The following ADTRP variants were observed in gnomAD, a reference collection of about 807,000 sequenced individuals.
ADTRP encodes androgen-dependent TFPI-regulating protein.
In ADTRP, 20 loss-of-function variants were observed where a neutral mutation model predicts 27.0. The observed-to-expected ratio is 0.74, with a 90% CI of 0.52 to 1.08. The LOEUF (loss-of-function observed/expected upper bound fraction) is 1.08. Ranked by LOEUF, ADTRP falls within the 50% of genes least tolerant of loss-of-function variation. The probability of loss-of-function intolerance (pLI) is 0.00; values close to 1 mark genes in which losing one functional copy is unlikely to be tolerated. For synonymous variants in ADTRP, 101 were observed against 105.2 expected, an observed-to-expected ratio of 0.96 and a Z score of 0.25; for missense variants, 251 against 275.0, an observed-to-expected ratio of 0.91 and a Z score of 0.62.
In ADTRP at chr6:11,766,338, T is replaced by C. The variant is rs763712765; in HGVS notation, c.326A>G (p.Asn109Ser). ...FLAFWILFLY[N>S]RDLIYPKVLD... ...GACCTTGGGGTAAATGAGATCTCGA[T>C]TGTAGAGAAAGAGGATCCAGAATGC... The change falls in exon 3 of 6, where the codon AAT becomes AGT. Residue 109 changes from asparagine to serine, a missense_variant. Transcript: ENST00000414691. The C allele has an allele frequency of 1.7e-5, 27 of 1,612,702 alleles. No homozygotes were observed. Among genetic ancestry groups the C allele is most frequent in the South Asian group, 5.5e-5 (5 of 90,828 alleles).
chr6:11,722,119 T>C (rs1217694894), intron 5 of ADTRP, among the ~76,000 whole-genome samples: 3 of 152,068 alleles, frequency 2.0e-5, no homozygotes, highest in African/African-American at 7.2e-5. Flanking sequence ...TCAACACATC[T>C]GAAATGTCAA....
intron 1 of ADTRP, among the ~76,000 whole-genome samples, chr6:11,771,907 C>A (rs551093457): frequency 2.6e-5 from 4 of 152,278 alleles, no homozygotes; most frequent in Admixed American, 2.6e-4. Flanking sequence ...ACCGACCTTG[C>A]CCACATCTTC....
intron 3 of ADTRP, among the ~76,000 whole-genome samples, chr6:11,736,965 A>G (rs1346963312): frequency 6.6e-6 from 1 of 151,466 alleles, no homozygotes; most frequent in Non-Finnish European, 1.5e-5. Flanking sequence ...CCTTATAACC[A>G]TCTGTTTTCT....
intron 4 of ADTRP, among the ~76,000 whole-genome samples, chr6:11,733,297 C>T (rs1762445197): frequency 6.6e-6 from 1 of 152,244 alleles, no homozygotes; most frequent in Admixed American, 6.5e-5. Flanking sequence ...TAAACCACAT[C>T]ATTTCATTCC....
chr6:11,741,681 G>C (rs527558477), intron 3 of ADTRP, among the ~76,000 whole-genome samples: 1 of 150,828 alleles, frequency 6.6e-6, no homozygotes, highest in Non-Finnish European at 1.5e-5. Context: ...GTGAAGAAGC[G>C]ACAATTTGGA....
intron 3 of ADTRP, among the ~76,000 whole-genome samples, chr6:11,742,105 C>T (rs1378276397): frequency 3.3e-5 from 5 of 151,918 alleles, no homozygotes; most frequent in South Asian, 4.2e-4. Flanking sequence ...TAGTCTGGTA[C>T]GTTGCAATCG....
At chr6:11,756,250 C>T (rs528817028) in intron 3 of ADTRP, among the ~76,000 whole-genome samples, 5 of 152,222 alleles carry the variant, frequency 3.3e-5, no homozygotes, top group South Asian at 2.1e-4. Context: ...CCTGTAAGTC[C>T]GGCTACTTGG....
intron 3 of ADTRP, among the ~76,000 whole-genome samples, chr6:11,746,691 T>C (rs554285003): frequency 1.3e-5 from 2 of 152,300 alleles, no homozygotes; most frequent in South Asian, 4.1e-4. Flanking sequence ...TTAGGAGAGA[T>C]GTGTCCAATG....
intron 3 of ADTRP, among the ~76,000 whole-genome samples, chr6:11,752,591 G>A (rs1561762686): frequency 6.6e-6 from 1 of 152,232 alleles, no homozygotes; most frequent in Non-Finnish European, 1.5e-5. Context: ...GCTGCTACAA[G>A]TGTCAAAAGT....
intron 3 of ADTRP, 116 bp downstream of exon 3, chr6:11,766,158 T>G: frequency 1.4e-6 from 1 of 690,168 alleles, no homozygotes; most frequent in Non-Finnish European, 2.4e-6. Context: ...TAAACAGTGA[T>G]GAGGTAGATT....
chr6:11,753,235 C>T (rs764584528), intron 3 of ADTRP, among the ~76,000 whole-genome samples: 4 of 152,192 alleles, frequency 2.6e-5, no homozygotes, highest in African/African-American at 4.8e-5. Flanking sequence ...GCTCTAACAC[C>T]TTTATTTCTA....
rs191002652 is a variant in ADTRP at position 11,775,197 on chromosome 6, A to G, written c.153+3410T>C. ...CCACCCCGCAACAACCTAGGTGCTC[A>G]GTGAGGAGACTGATGTTCTACTAAG... On this transcript the variant is annotated intron_variant, in intron 1 of 5. Transcript: ENST00000414691. 4.6e-5 allele frequency among the ~76,000 whole-genome samples: 7 copies of G among 152,198 alleles called. No individual in the cohort carries two copies. The East Asian group carries it at 1.4e-3, about 29-fold the overall frequency.
At chr6:11,761,904 T>A (rs1763399409) in intron 3 of ADTRP, among the ~76,000 whole-genome samples, 1 of 152,170 alleles carries the variant, frequency 6.6e-6, no homozygotes, top group Non-Finnish European at 1.5e-5. Flanking sequence ...AGACTGTGGG[T>A]GACCTATGCC....
intron 3 of ADTRP, among the ~76,000 whole-genome samples, chr6:11,758,782 A>C (rs1763308803): frequency 6.6e-6 from 1 of 152,124 alleles, no homozygotes; most frequent in South Asian, 2.1e-4. Context: ...ACCCTACATG[A>C]AGCACTTCAG....
intron 3 of ADTRP, among the ~76,000 whole-genome samples, chr6:11,752,913 T>C (rs2294421): frequency 0.31 from 47,872 of 152,122 alleles, 9,074 homozygotes; most frequent in Non-Finnish European, 0.43. Context: ...ACGATTTGCA[T>C]GGGTCGTTAA....
Position 11,735,556 on chromosome 6 carries a change from T to A in ADTRP, c.506+12A>T, listed in dbSNP as rs755412478. On this transcript the variant is annotated intron_variant, in intron 4 of 5. Transcript: ENST00000414691. ...GACAAGCCTAAGTTGACTTTCTCCA[T>A]GTAATTCTTACCGGCTGATGTAAGC... 1 of 1,598,386 alleles carries A rather than the reference T, an allele frequency of 6.3e-7. No homozygotes were observed. Among genetic ancestry groups the A allele is most frequent in the East Asian group, 2.2e-5 (1 of 44,798 alleles).
intron 3 of ADTRP, among the ~76,000 whole-genome samples, chr6:11,750,793 C>T (rs1763020706): frequency 6.6e-6 from 1 of 152,160 alleles, no homozygotes; most frequent in African/African-American, 2.4e-5. Context: ...TTGCATTTTC[C>T]TCTGAAATGT....
chr6:11,729,714 C>T (rs145749238), intron 4 of ADTRP, among the ~76,000 whole-genome samples: 262 of 152,214 alleles, frequency 1.7e-3, no homozygotes, highest in Non-Finnish European at 3.1e-3. Flanking sequence ...GACTTGAGGG[C>T]CTTAAAAATT....
chr6:11,748,581 T>A (rs900405993), intron 3 of ADTRP, among the ~76,000 whole-genome samples: 5 of 152,170 alleles, frequency 3.3e-5, no homozygotes, highest in African/African-American at 1.2e-4. Flanking sequence ...GGGAAACAGA[T>A]ACCAATCACA....
Sources: allele counts gnomAD v4.1 joint callset (sites outside exome capture counted in the v4.1 genomes callset), GRCh38; gene constraint gnomAD v4.1.1; transcripts MANE v1.5; gene names NCBI Gene and HGNC (gene_info 2026-07-23, HGNC 2026-07-21).